The following NOM1 variants were observed in gnomAD, a reference collection of about 807,000 sequenced individuals.
The protein encoded by NOM1 is nucleolar protein with MIF4G domain 1, also known as nucleolar MIF4G domain-containing protein 1.
A neutral mutation model predicts 73.3 loss-of-function variants in NOM1; 58 were observed. That is an observed-to-expected ratio of 0.79 (90% CI 0.64 to 0.99). NOM1 has a LOEUF of 0.99. Among genes scored for constraint, NOM1 ranks in the 50% least tolerant of loss-of-function variants. NOM1 has a pLI of 0.00. For missense variants in NOM1, 1,226 were observed against 1,131.9 expected (o/e 1.08, Z -1.19); for synonymous variants, 487 against 446.8 (o/e 1.09, Z -1.14).
At chr7:156,964,064 A>T in intron 7 of NOM1, 38 bp downstream of exon 7, 1 of 1,592,440 alleles carries the variant, frequency 6.3e-7, no homozygotes, top group Non-Finnish European at 8.6e-7. Context: ...TATTAATGAG[A>T]TGCTGTAAAA....
In NOM1 at chr7:156,950,220, A is replaced by C. The variant is rs750987673; in HGVS notation, c.483A>C (p.Arg161Ser). 3 of 1,611,706 alleles carry C rather than the reference A, an allele frequency of 1.9e-6. No homozygotes were observed. Among genetic ancestry groups the C allele is most frequent in the Non-Finnish European group, 2.5e-6 (3 of 1,179,632 alleles). Residue 161 changes from arginine (R) to serine (S), a missense_variant, in exon 1 of 11, where the codon AGA (arginine) becomes AGC (serine). Physicochemically the swap from Arg to Ser is moderately radical, Grantham distance 110. Transcript: ENST00000275820. Reference sequence around the variant, plus strand: ...CCACGGCCGCCACCGCAAAGACCAGACCCTCCGCAGCCGCCACCGCCGCTG... The same window carrying C: ...CCACGGCCGCCACCGCAAAGACCAGCCCCTCCGCAGCCGCCACCGCCGCTG... Reference protein sequence around the residue: ...AKATAATAKTRPSAAATAAAR... With the variant: ...AKATAATAKTSPSAAATAAAR...
chr7:156,952,372 C>T, intron 1 of NOM1, 102 bp from the exon 2 acceptor site: 1 of 1,249,004 alleles, frequency 8.0e-7, no homozygotes, highest in Non-Finnish European at 1.1e-6. Flanking sequence ...GCAGCTTCCA[C>T]CAGTTCTTGG....
At chr7:156,960,458 C>T (rs1221434901) in intron 4 of NOM1, among the ~76,000 whole-genome samples, 1 of 152,140 alleles carries the variant, frequency 6.6e-6, no homozygotes, top group Non-Finnish European at 1.5e-5. Context: ...CTGGGTTGGA[C>T]TTTGGGCTCT....
At chr7:156,968,143 G>T (rs930285918) in intron 9 of NOM1, among the ~76,000 whole-genome samples, 1 of 152,152 alleles carries the variant, frequency 6.6e-6, no homozygotes, top group Non-Finnish European at 1.5e-5. Flanking sequence ...CGAGCCTTAC[G>T]CCAAATCCTG....
At chr7:156,969,044 T>C in intron 9 of NOM1, 43 bp from the exon 10 acceptor site, 1 of 1,088,858 alleles carries the variant, frequency 9.2e-7, no homozygotes, top group Non-Finnish European at 1.4e-6. Flanking sequence ...AAAAGTTGGC[T>C]AAATCAGTGT....
chr7:156,966,210 A>T (rs1804991405), intron 7 of NOM1, 60 bp from the exon 8 acceptor site: 1 of 1,599,132 alleles, frequency 6.3e-7, no homozygotes, highest in Non-Finnish European at 8.5e-7. Context: ...CCTGAAAGGT[A>T]TCAGCCATTA....
chr7:156,952,434 C>A lies in NOM1; in HGVS notation c.988-40C>A. 3 of 1,588,884 alleles carry A rather than the reference C, an allele frequency of 1.9e-6. No homozygotes were observed. In the South Asian group the frequency reaches 3.5e-5, roughly 18 times the overall value. Reference sequence around the variant, plus strand: ...GCAAAGAAAAAACACAGGATTTGGTCAGTGTAAATTTTTTGTAATTTATTT... The same window carrying A: ...GCAAAGAAAAAACACAGGATTTGGTAAGTGTAAATTTTTTGTAATTTATTT... On this transcript the variant is annotated intron_variant, in intron 1 of 10. Coordinates refer to ENST00000275820, the MANE Select transcript of NOM1 (RefSeq NM_138400.2).
In NOM1 at chr7:156,966,414, C is replaced by T. The variant is rs759807142; in HGVS notation, c.2166+12C>T. ...AAAGGAGATTTCAGGTAGCTTAGTG[C>T]GGAGGCACCAGTTACGTCCGCTCTA... is the stretch of plus-strand genomic sequence containing the variant. On this transcript the variant is annotated intron_variant, in intron 8 of 10. Transcript: ENST00000275820. 1.5e-5 allele frequency: 24 copies of T among 1,613,690 alleles called. No homozygotes were observed. Among genetic ancestry groups the T allele is most frequent in the African/African-American group, 4.0e-5 (3 of 74,914 alleles).
Position 156,963,085 on chromosome 7 carries a change from T to C in NOM1, c.1821T>C (p.Gly607=). ...WDSVLSAEQT[G]RWWIVGSAWS... ...GTGTCTTGAGTGCGGAGCAGACGGG[T>C]CGCTGGTGGATTGTGGGGTCCGCCT... Residue 607 remains glycine, a synonymous_variant, in exon 6 of 11, where the codon GGT becomes GGC. Coordinates refer to ENST00000275820, the MANE Select transcript of NOM1 (RefSeq NM_138400.2). 6.2e-7 allele frequency: 1 copy of C among 1,614,072 alleles called. No homozygotes were observed. The highest frequency in any genetic ancestry group is 1.6e-4 in the Middle Eastern group (1 of 6,062).
At position 156,971,994 on chromosome 7, in the gene NOM1, G is replaced by C. The variant is rs966205375; in HGVS notation, c.*2291G>C. 7 of 152,232 alleles carry C rather than the reference G, an allele frequency of 4.6e-5. No homozygotes were observed. The highest frequency in any genetic ancestry group is 4.6e-4 in the Admixed American group (7 of 15,286). The allele number at this position is 152,232 out of a possible 1,614,324, so 9.4% of individuals were successfully genotyped here. A position where few individuals can be genotyped will look rare whatever the true frequency, so the allele number is the denominator to read the frequency against. On this transcript the variant is annotated 3_prime_UTR_variant, in exon 11 of 11. Coordinates refer to ENST00000275820, the MANE Select transcript of NOM1 (RefSeq NM_138400.2). Reference sequence around the variant, plus strand: ...TTTTTAACAAGAGTGTCTTTGCTGGGTGGTGATTGGGATGTAACAGATCAG... The same window carrying C: ...TTTTTAACAAGAGTGTCTTTGCTGGCTGGTGATTGGGATGTAACAGATCAG...
At position 156,950,073 on chromosome 7, in the gene NOM1, C is replaced by G; in HGVS notation, c.336C>G (p.Gly112=). Residue 112 remains glycine, a synonymous_variant, in exon 1 of 11, where the codon GGC becomes GGG. Transcript: ENST00000275820. ...CCGAACAGGGTCCCGGCCTGGGAGG[C>G]CGAAGCGGAGCCGAAGAAGCCAGCG... is the stretch of plus-strand genomic sequence containing the variant. The part of the protein sequence containing the change: ...AGPEQGPGLG[G]RSGAEEASGH... 2 of 1,544,438 alleles carry G rather than the reference C, an allele frequency of 1.3e-6. No individual in the cohort carries two copies. The highest frequency in any genetic ancestry group is 1.7e-6 in the Non-Finnish European group (2 of 1,147,168).
At chr7:156,964,642 T>C (rs1260577215) in intron 7 of NOM1, among the ~76,000 whole-genome samples, 5 of 152,192 alleles carry the variant, frequency 3.3e-5, no homozygotes, top group Admixed American at 3.3e-4. Context: ...TTCTAAACAA[T>C]GTAATGTTAA....
chr7:156,949,820 G>C lies in NOM1; in HGVS notation c.83G>C (p.Arg28Pro). 6.9e-7 allele frequency: 1 copy of C among 1,445,972 alleles called. No individual in the cohort carries two copies. The highest frequency in any genetic ancestry group is 9.1e-7 in the Non-Finnish European group (1 of 1,102,192). The allele number at this position is 1,445,972 out of a possible 1,614,324, so 89.6% of individuals were successfully genotyped here. ...GTCCGCATGAAGCGCAGAGGCGGGC[G>C]CGGGCCGCGCCGCGGTCCTGCTGGC... ...RVVRMKRRGGRGPRRGPAGGG... is the reference protein window; with the variant it reads ...RVVRMKRRGGPGPRRGPAGGG... Residue 28 changes from arginine (R) to proline (P), a missense_variant, in exon 1 of 11, where the codon CGC becomes CCC. Transcript: ENST00000275820.
At chr7:156,960,705 A>G (rs1387221641) in intron 4 of NOM1, among the ~76,000 whole-genome samples, 15 of 152,198 alleles carry the variant, frequency 9.9e-5, no homozygotes, top group Admixed American at 9.8e-4. Flanking sequence ...TAATTACTGC[A>G]GGGAATTGAG....
At chr7:156,960,505 C>T (rs1424854512) in intron 4 of NOM1, among the ~76,000 whole-genome samples, 1 of 152,218 alleles carries the variant, frequency 6.6e-6, no homozygotes, top group East Asian at 1.9e-4. Flanking sequence ...TCTTCTGAGC[C>T]TCAGTTTCCC....
At chr7:156,959,748 C>A (rs1804816396) in intron 3 of NOM1, 103 bp from the exon 4 acceptor site, 10 of 1,177,874 alleles carry the variant, frequency 8.5e-6, no homozygotes, top group Non-Finnish European at 1.2e-5. Context: ...AATGCCCTGC[C>A]TTGTGGCACT....
intron 7 of NOM1, among the ~76,000 whole-genome samples, chr7:156,965,133 C>T (rs140812960): frequency 2.4e-4 from 37 of 152,378 alleles, no homozygotes; most frequent in African/African-American, 8.9e-4. Flanking sequence ...CACCTGAGTG[C>T]TCTACGTGGG....
chr7:156,971,906 A>G lies in NOM1; in HGVS notation c.*2203A>G, dbSNP rs1046835744. The stretch of plus-strand genomic sequence containing the variant: ...TAGCAGGTTCTGAATTTAGAGGACA[A>G]ATAAGGTGACAGGTACTAAGAGAAG... On this transcript the variant is annotated 3_prime_UTR_variant, in exon 11 of 11. Transcript: ENST00000275820. 2.6e-5 allele frequency: 4 copies of G among 152,250 alleles called. No individual in the cohort carries two copies. Among genetic ancestry groups the G allele is most frequent in the Non-Finnish European group, 5.9e-5 (4 of 68,028 alleles). The allele number at this position is 152,250 out of a possible 1,614,324, so 9.4% of individuals were successfully genotyped here. A position where few individuals can be genotyped will look rare whatever the true frequency, so the allele number is the denominator to read the frequency against.
At chr7:156,965,648 G>T (rs977908523) in intron 7 of NOM1, among the ~76,000 whole-genome samples, 1 of 152,236 alleles carries the variant, frequency 6.6e-6, no homozygotes, top group African/African-American at 2.4e-5. Flanking sequence ...AGGCACCGTG[G>T]CTCATGCCTG....
Sources: allele counts gnomAD v4.1 joint callset (sites outside exome capture counted in the v4.1 genomes callset), GRCh38; gene constraint gnomAD v4.1.1; transcripts MANE v1.5; gene names NCBI Gene and HGNC (gene_info 2026-07-23, HGNC 2026-07-21).